Variants in NAALADL2 observed in about 807,000 individuals in gnomAD.
NAALADL2 encodes the protein inactive N-acetylated-alpha-linked acidic dipeptidase-like protein 2.
A neutral mutation model predicts 87.2 loss-of-function variants in NAALADL2; 76 were observed. The ratio of observed to expected loss-of-function variants is 0.87; its 90% CI spans 0.72 to 1.05. The LOEUF (loss-of-function observed/expected upper bound fraction) is 1.05. NAALADL2 is among the 50% of genes least tolerant of loss of function. NAALADL2 has a pLI of 0.00. For missense variants in NAALADL2, 1,089 were observed against 945.8 expected, an observed-to-expected ratio of 1.15 and a Z score of -1.99; for synonymous variants, 354 against 331.0, an observed-to-expected ratio of 1.07 and a Z score of -0.75.
At chr3:174,697,346 G>A (rs1354327981) in intron 2 of NAALADL2, among the ~76,000 whole-genome samples, 2 of 152,104 alleles carry the variant, frequency 1.3e-5, no homozygotes, top group Non-Finnish European at 2.9e-5. Flanking sequence ...TCACTTAAAC[G>A]TTTCCTATGC....
At position 175,004,376 on chromosome 3, in the gene NAALADL2, CAAAAA is replaced by C. The variant is rs538715061; in HGVS notation, c.44-92389_44-92385del. Among the ~76,000 whole-genome samples the C allele has an allele frequency of 1.8e-4, 6 of 33,852 alleles. No homozygotes were observed. The East Asian group carries it at 3.0e-3, about 17-fold the overall frequency. The allele number at this position is 33,852 out of a possible 152,430, so 22.2% of individuals were successfully genotyped here. On this transcript the variant is annotated intron_variant, in intron 1 of 13. Transcript: ENST00000454872. ...CCTGGGTGACAGAGTGAGACTATTT[CAAAAA>C]AAAAAAAAAAAAAAAAAAAAAAAAG...
intron 2 of NAALADL2, among the ~76,000 whole-genome samples, chr3:175,207,949 A>G (rs1433237299): frequency 6.6e-6 from 1 of 152,146 alleles, no homozygotes; most frequent in Non-Finnish European, 1.5e-5. Context: ...GAGAAGATTT[A>G]CTTACAGGAG....
At chr3:175,568,165 A>G (rs1717514037) in intron 9 of NAALADL2, among the ~76,000 whole-genome samples, 1 of 151,700 alleles carries the variant, frequency 6.6e-6, no homozygotes, top group Non-Finnish European at 1.5e-5. Flanking sequence ...GAAGCTCATT[A>G]GATGTCGGCA....
At chr3:174,495,205 A>G (rs979095746) in intron 1 of NAALADL2, among the ~76,000 whole-genome samples, 1 of 151,928 alleles carries the variant, frequency 6.6e-6, no homozygotes, top group Non-Finnish European at 1.5e-5. Context: ...ATTTTAGAAT[A>G]AATGAAGGAT....
chr3:175,281,580 A>G (rs1754317389), intron 4 of NAALADL2, among the ~76,000 whole-genome samples: 1 of 151,992 alleles, frequency 6.6e-6, no homozygotes, highest in African/African-American at 2.4e-5. Flanking sequence ...TGTACCAGTG[A>G]GTTATTTTCA....
intron 4 of NAALADL2, among the ~76,000 whole-genome samples, chr3:175,300,755 T>TTTTATTTA (rs548300066): frequency 1.1e-3 from 164 of 146,368 alleles, no homozygotes; most frequent in Middle Eastern, 3.5e-3. Context: ...ATTTATTTAT[T>TTTTATTTA]TTTATTTATT....
intron 2 of NAALADL2, among the ~76,000 whole-genome samples, chr3:175,147,051 A>C (rs948014514): frequency 6.6e-6 from 1 of 152,156 alleles, no homozygotes; most frequent in African/African-American, 2.4e-5. Flanking sequence ...AGATCTTTTG[A>C]AGTAATTCTG....
At chr3:174,939,346 A>G (rs570058855) in intron 1 of NAALADL2, among the ~76,000 whole-genome samples, 2 of 151,882 alleles carry the variant, frequency 1.3e-5, no homozygotes, top group Non-Finnish European at 1.5e-5. Flanking sequence ...TGGACTCCCT[A>G]TTTTGTTCCA....
chr3:175,636,720 A>T (rs1432242701), intron 11 of NAALADL2, among the ~76,000 whole-genome samples: 1 of 151,722 alleles, frequency 6.6e-6, no homozygotes, highest in East Asian at 1.9e-4. Context: ...AAAAAGAAAA[A>T]AAAAGAAAAA....
chr3:174,787,386 G>C (rs1716794490), intron 3 of NAALADL2, among the ~76,000 whole-genome samples: 1 of 150,852 alleles, frequency 6.6e-6, no homozygotes, highest in Non-Finnish European at 1.5e-5. Flanking sequence ...GAGCCAGCCT[G>C]AAAAGTAATC....
intron 1 of NAALADL2, among the ~76,000 whole-genome samples, chr3:174,927,923 G>GT (rs894854454): frequency 1.8e-4 from 27 of 151,250 alleles, no homozygotes; most frequent in Admixed American, 1.3e-3. Flanking sequence ...TCCAGGAGCT[G>GT]TTTTTTTGAA....
At chr3:175,682,742 T>G (rs1735760459) in intron 11 of NAALADL2, among the ~76,000 whole-genome samples, 1 of 152,074 alleles carries the variant, frequency 6.6e-6, no homozygotes, top group South Asian at 2.1e-4. Flanking sequence ...ATGTTTACAC[T>G]TGTCCTTGAA....
intron 2 of NAALADL2, among the ~76,000 whole-genome samples, chr3:175,181,405 A>G (rs1308695080): frequency 2.0e-5 from 3 of 151,696 alleles, no homozygotes; most frequent in Non-Finnish European, 2.9e-5. Context: ...CATCATCTCA[A>G]ATGCTTATCA....
chr3:174,480,477 CT>C (rs1247558982), intron 1 of NAALADL2, among the ~76,000 whole-genome samples: 2 of 151,942 alleles, frequency 1.3e-5, no homozygotes, highest in Non-Finnish European at 2.9e-5. Context: ...TTTGGTGTCC[CT>C]GCCTTTATAG....
At chr3:175,025,846 G>A (rs1388935214) in intron 1 of NAALADL2, among the ~76,000 whole-genome samples, 1 of 152,056 alleles carries the variant, frequency 6.6e-6, no homozygotes, top group Admixed American at 6.6e-5. Context: ...GTCTCACTTT[G>A]TCACCCAGGC....
intron 12 of NAALADL2, 147 bp from the exon 13 acceptor site, chr3:175,755,073 A>G (rs1022218729): frequency 1.3e-5 from 8 of 627,230 alleles, no homozygotes; most frequent in African/African-American, 9.5e-5. Flanking sequence ...AGTGACAAAA[A>G]AAAAGAGAGA....
chr3:175,055,611 G>A lies in NAALADL2; in HGVS notation c.44-41179G>A, dbSNP rs538976004. On this transcript the variant is annotated intron_variant, in intron 1 of 13. Transcript: ENST00000454872. Reference sequence around the variant, plus strand: ...GGCCAGGCTCCTCATGGCGTTTCCCGAAATCGGGTTCCCATCTTTATCAAA... The same window carrying A: ...GGCCAGGCTCCTCATGGCGTTTCCCAAAATCGGGTTCCCATCTTTATCAAA... Among the ~76,000 whole-genome samples the A allele has an allele frequency of 6.9e-4, 105 of 152,348 alleles. 1 individual carries two copies. The highest frequency in any genetic ancestry group is 2.5e-3 in the South Asian group (12 of 4,832).
rs150911254 is a variant in NAALADL2 at position 175,528,957 on chromosome 3, T to C, written c.1654-47084T>C. Among the ~76,000 whole-genome samples the C allele has an allele frequency of 9.4e-3, 1,434 of 152,208 alleles. 45 individuals are homozygous for C. Among genetic ancestry groups the C allele is most frequent in the Admixed American group, 0.056 (854 of 15,294 alleles). ...GATGACTACCTTCTTCTACTACCCA[T>C]TCTGTATTCCCTTTGCCTTCAGCAA... On this transcript the variant is annotated intron_variant, in intron 9 of 13. Transcript: ENST00000454872.
At chr3:175,205,633 A>G (rs574894954) in intron 2 of NAALADL2, among the ~76,000 whole-genome samples, 1 of 152,294 alleles carries the variant, frequency 6.6e-6, no homozygotes, top group South Asian at 2.1e-4. Context: ...GCATGACAAA[A>G]GCAACAGTCT....
Sources: allele counts gnomAD v4.1 joint callset (sites outside exome capture counted in the v4.1 genomes callset), GRCh38; gene constraint gnomAD v4.1.1; transcripts MANE v1.5; gene names NCBI Gene and HGNC (gene_info 2026-07-23, HGNC 2026-07-21).